ARHGAP10: variants seen among roughly 807,000 people sequenced by gnomAD.
The protein encoded by ARHGAP10 is Rho GTPase activating protein 10, also known as rho GTPase-activating protein 10.
Under a neutral mutation model 108.6 loss-of-function variants are expected in ARHGAP10, and 87 were observed. That is an observed-to-expected ratio of 0.80 (90% CI 0.67 to 0.96). The LOEUF (loss-of-function observed/expected upper bound fraction) is 0.96. ARHGAP10 is among the 40% of genes least tolerant of loss of function. The pLI is 0.00. For synonymous variants in ARHGAP10, 347 were observed against 341.1 expected, an observed-to-expected ratio of 1.02 and a Z score of -0.19; for missense variants, 939 against 954.5, an observed-to-expected ratio of 0.98 and a Z score of 0.21.
At chr4:147,874,870 C>A in intron 7 of ARHGAP10, 151 bp from the exon 8 acceptor site, 1 of 733,146 alleles carries the variant, frequency 1.4e-6, no homozygotes. Context: ...TCAGGAGGCA[C>A]ACTGGAAAGA....
chr4:147,896,636 T>C (rs919963072), intron 10 of ARHGAP10, among the ~76,000 whole-genome samples: 8 of 152,096 alleles, frequency 5.3e-5, no homozygotes, highest in Non-Finnish European at 1.0e-4. Context: ...ACTTTTTATT[T>C]CATTTGTTTC....
intron 19 of ARHGAP10, among the ~76,000 whole-genome samples, chr4:148,038,974 T>TGAA (rs1728501839): frequency 1.3e-5 from 2 of 152,238 alleles, no homozygotes; most frequent in African/African-American, 2.4e-5. Flanking sequence ...GTTACTTTCT[T>TGAA]AAACTATATT....
In ARHGAP10 at chr4:147,876,907, A is replaced by G. The variant is rs116252974; in HGVS notation, c.832+1757A>G. On this transcript the variant is annotated intron_variant, in intron 8 of 22. Coordinates refer to ENST00000336498, the MANE Select transcript of ARHGAP10 (RefSeq NM_024605.4). ...AATGAAAATGGAGGCACTGAGAGGT[A>G]AATAATGTTCCCTAGGTCATACAAC... 6.2e-3 allele frequency among the ~76,000 whole-genome samples: 948 copies of G among 152,318 alleles called. 11 individuals are homozygous for G. The highest frequency in any genetic ancestry group is 0.022 in the African/African-American group (912 of 41,578).
intron 1 of ARHGAP10, among the ~76,000 whole-genome samples, chr4:147,745,790 C>CTTT (rs70958581): frequency 8.2e-4 from 109 of 132,962 alleles, no homozygotes; most frequent in African/African-American, 2.7e-3. Context: ...TGTGCCCGGC[C>CTTT]TTTTTTTTTT....
chr4:148,036,164 T>C (rs1728369876), intron 19 of ARHGAP10, among the ~76,000 whole-genome samples: 1 of 151,950 alleles, frequency 6.6e-6, no homozygotes, highest in South Asian at 2.1e-4. Context: ...TTCCGTGACC[T>C]AGGTTTTATA....
At chr4:148,024,136 T>G (rs77936882) in intron 19 of ARHGAP10, among the ~76,000 whole-genome samples, 7,540 of 152,326 alleles carry the variant, frequency 0.049, 238 homozygotes, top group Middle Eastern at 0.071. Flanking sequence ...TGCTAATTTG[T>G]AATCATATGG....
intron 3 of ARHGAP10, among the ~76,000 whole-genome samples, chr4:147,827,907 G>A (rs1732785440): frequency 6.6e-6 from 1 of 152,160 alleles, no homozygotes; most frequent in Non-Finnish European, 1.5e-5. Flanking sequence ...CCAGGTTCAA[G>A]CGATTTTCCT....
At chr4:147,802,760 C>T (rs1027173417) in intron 1 of ARHGAP10, among the ~76,000 whole-genome samples, 2 of 152,200 alleles carry the variant, frequency 1.3e-5, no homozygotes, top group African/African-American at 4.8e-5. Flanking sequence ...AAATTCAGAA[C>T]AGATGTTGTG....
At chr4:147,911,654 G>A (rs577547570) in intron 12 of ARHGAP10, among the ~76,000 whole-genome samples, 18 of 151,890 alleles carry the variant, frequency 1.2e-4, no homozygotes, top group Non-Finnish European at 2.2e-4. Flanking sequence ...GAGCCACCGC[G>A]CCTGGCCTCT....
intron 13 of ARHGAP10, among the ~76,000 whole-genome samples, chr4:147,932,397 A>G (rs964647509): frequency 3.3e-5 from 5 of 152,176 alleles, no homozygotes; most frequent in South Asian, 4.1e-4. Context: ...CATGGAATCA[A>G]CCCAAATGCC....
intron 10 of ARHGAP10, among the ~76,000 whole-genome samples, chr4:147,904,573 A>G (rs1736385993): frequency 6.6e-6 from 1 of 152,116 alleles, no homozygotes; most frequent in Admixed American, 6.5e-5. Flanking sequence ...ATCATTTTTT[A>G]TGGCTGCATA....
chr4:148,001,487 CT>C (rs1740716429), intron 18 of ARHGAP10, among the ~76,000 whole-genome samples: 1 of 152,264 alleles, frequency 6.6e-6, no homozygotes, highest in East Asian at 1.9e-4. Flanking sequence ...GGCATTGAAT[CT>C]ATAAATTACC....
At chr4:147,911,041 TC>T (rs1417313178) in intron 12 of ARHGAP10, among the ~76,000 whole-genome samples, 1 of 151,950 alleles carries the variant, frequency 6.6e-6, no homozygotes, top group Non-Finnish European at 1.5e-5. Flanking sequence ...CTTTCCTCAT[TC>T]CCTCCTCTCC....
At chr4:148,055,673 G>A (rs940545100) in intron 20 of ARHGAP10, among the ~76,000 whole-genome samples, 1 of 152,200 alleles carries the variant, frequency 6.6e-6, no homozygotes. Flanking sequence ...GAGTGACAGA[G>A]CAAGACTCCG....
chr4:147,876,321 G>A (rs1282690714), intron 8 of ARHGAP10, among the ~76,000 whole-genome samples: 5 of 152,110 alleles, frequency 3.3e-5, no homozygotes, highest in African/African-American at 9.7e-5. Flanking sequence ...GGCTGGGCGC[G>A]GTGGCTCACA....
intron 20 of ARHGAP10, among the ~76,000 whole-genome samples, chr4:148,052,185 G>A (rs533766778): frequency 1.3e-5 from 2 of 152,040 alleles, no homozygotes; most frequent in South Asian, 4.2e-4. Flanking sequence ...GGGAGTCACT[G>A]GCAAACCCTG....
intron 13 of ARHGAP10, among the ~76,000 whole-genome samples, chr4:147,922,461 G>T (rs375617314): frequency 6.6e-6 from 1 of 151,176 alleles, no homozygotes; most frequent in African/African-American, 2.4e-5. Flanking sequence ...AGGCCGAGGC[G>T]GGCGGATCAC....
intron 1 of ARHGAP10, among the ~76,000 whole-genome samples, chr4:147,771,146 C>A (rs1263164097): frequency 1.3e-5 from 2 of 152,104 alleles, no homozygotes; most frequent in African/African-American, 2.4e-5. Flanking sequence ...GAGTTTGAGA[C>A]CAGCCTGGGC....
chr4:148,067,905 G>A (rs1052424337), intron 22 of ARHGAP10, among the ~76,000 whole-genome samples: 3 of 152,152 alleles, frequency 2.0e-5, no homozygotes, highest in African/African-American at 7.2e-5. Context: ...ATGAGTTCCA[G>A]TTCTAGGCGG....
Sources: allele counts gnomAD v4.1 joint callset (sites outside exome capture counted in the v4.1 genomes callset), GRCh38; gene constraint gnomAD v4.1.1; transcripts MANE v1.5; gene names NCBI Gene and HGNC (gene_info 2026-07-23, HGNC 2026-07-21).